Variants in NRXN1 observed in about 807,000 individuals in gnomAD.
NRXN1 encodes neurexin-1.
Under a neutral mutation model 150.9 loss-of-function variants are expected in NRXN1, and 39 were observed. That is an observed-to-expected ratio of 0.26 (90% confidence interval 0.20 to 0.34). The LOEUF is 0.34. NRXN1 is among the 10% of genes least tolerant of loss of function. The pLI, the probability that NRXN1 is intolerant of heterozygous loss-of-function variation, is 1.00. For synonymous variants in NRXN1, 924 were observed against 757.0 expected (o/e 1.22, Z -3.62); for missense variants, 1,815 against 1,949.9 (o/e 0.93, Z 1.30).
chr2:50,410,397 C>A (rs2083062969), intron 17 of NRXN1, among the ~76,000 whole-genome samples: 1 of 152,186 alleles, frequency 6.6e-6, no homozygotes, highest in Admixed American at 6.5e-5. Context: ...TGATGAGCTA[C>A]TTTTGTACCT....
In NRXN1 at chr2:50,543,518, C is replaced by T. The variant is rs146542562; in HGVS notation, c.1760-4882G>A. On this transcript the variant is annotated intron_variant, in intron 9 of 22. Transcript: ENST00000401669. ...TCTTACATGTAAAGCTGTTTTTTCA[C>T]GACACATGTAAGAGGTAAAATGAAG... Among the ~76,000 whole-genome samples, 193 of 151,998 alleles carry T rather than the reference C, an allele frequency of 1.3e-3. 1 individual carries two copies. The East Asian group carries it at 0.026, about 20-fold the overall frequency.
chr2:50,792,712 T>C (rs1375812541), intron 5 of NRXN1, among the ~76,000 whole-genome samples: 1 of 151,942 alleles, frequency 6.6e-6, no homozygotes, highest in East Asian at 1.9e-4. Context: ...AAACGGTTAA[T>C]TAAAAGCAAA....
intron 17 of NRXN1, among the ~76,000 whole-genome samples, chr2:50,239,662 GTATATATA>G (rs59505952): frequency 0.015 from 717 of 47,132 alleles, 10 homozygotes; most frequent in South Asian, 0.097. Flanking sequence ...ACCTATTCCA[GTATATATA>G]TATATATATA....
At chr2:50,235,649 G>A (rs755568048) in intron 18 of NRXN1, among the ~76,000 whole-genome samples, 116 of 152,060 alleles carry the variant, frequency 7.6e-4, no homozygotes, top group Non-Finnish European at 1.2e-3. Flanking sequence ...GGTACCCGAT[G>A]ACCACTTTCT....
intron 17 of NRXN1, among the ~76,000 whole-genome samples, chr2:50,384,612 G>C (rs936529425): frequency 2.0e-5 from 3 of 151,162 alleles, no homozygotes; most frequent in African/African-American, 4.9e-5. Flanking sequence ...AATTCTTCAG[G>C]TCTGTAGGTA....
At chr2:50,314,835 GC>G (rs1244693647) in intron 17 of NRXN1, among the ~76,000 whole-genome samples, 1 of 151,890 alleles carries the variant, frequency 6.6e-6, no homozygotes, top group Non-Finnish European at 1.5e-5. Flanking sequence ...TGTGGCCTGA[GC>G]CTTGGGGTGT....
In NRXN1 at chr2:50,270,734, A is replaced by G. The variant is rs541522304; in HGVS notation, c.3365-33764T>C. 3.3e-4 allele frequency among the ~76,000 whole-genome samples: 49 copies of G among 150,252 alleles called. 1 individual carries two copies. In the East Asian group the frequency reaches 9.5e-3, roughly 29 times the overall value. ...GCCCAGGCTGGAGTGCAGTGGTGCG[A>G]TCTCAGCTCACTGCAACCTCCACCT... On this transcript the variant is annotated intron_variant, in intron 17 of 22. Transcript: ENST00000401669.
intron 15 of NRXN1, among the ~76,000 whole-genome samples, chr2:50,490,587 T>C (rs975591134): frequency 6.6e-6 from 1 of 152,078 alleles, no homozygotes; most frequent in South Asian, 2.1e-4. Flanking sequence ...AGTGGAAACA[T>C]ACACAGGAAT....
At chr2:50,191,535 T>C (rs1216554991) in intron 18 of NRXN1, among the ~76,000 whole-genome samples, 1 of 152,134 alleles carries the variant, frequency 6.6e-6, no homozygotes, top group Non-Finnish European at 1.5e-5. Context: ...ACTGATTCCA[T>C]CATCATAAGG....
At chr2:50,320,628 T>C (rs1218128697) in intron 17 of NRXN1, among the ~76,000 whole-genome samples, 3 of 151,660 alleles carry the variant, frequency 2.0e-5, no homozygotes, top group Non-Finnish European at 4.4e-5. Flanking sequence ...AGGGAATTGA[T>C]GAATGGACAG....
intron 19 of NRXN1, among the ~76,000 whole-genome samples, chr2:50,085,368 T>C (rs953625932): frequency 6.6e-5 from 10 of 152,162 alleles, no homozygotes; most frequent in Non-Finnish European, 8.8e-5. Flanking sequence ...AGATATTCCA[T>C]ATGGTTTATC....
At chr2:50,165,798 CAAT>C (rs1559011426) in intron 18 of NRXN1, among the ~76,000 whole-genome samples, 1 of 152,162 alleles carries the variant, frequency 6.6e-6, no homozygotes, top group Admixed American at 6.5e-5. Flanking sequence ...ACTATGCAAA[CAAT>C]GATATTATTA....
At chr2:50,894,386 CAATT>C (rs755849666) in intron 5 of NRXN1, among the ~76,000 whole-genome samples, 2 of 150,264 alleles carry the variant, frequency 1.3e-5, no homozygotes, top group Non-Finnish European at 3.0e-5. Context: ...AGGAAACTGT[CAATT>C]AATTGTTCTT....
chr2:51,016,014 C>T (rs2105234724), intron 2 of NRXN1, among the ~76,000 whole-genome samples: 1 of 152,056 alleles, frequency 6.6e-6, no homozygotes, highest in East Asian at 2.0e-4. Context: ...GGTACTGGTA[C>T]CAAAACAGAT....
intron 17 of NRXN1, among the ~76,000 whole-genome samples, chr2:50,401,840 T>C (rs1328575890): frequency 6.6e-6 from 1 of 152,174 alleles, no homozygotes; most frequent in African/African-American, 2.4e-5. Flanking sequence ...GGTATTTCAA[T>C]ATCTTGCTAT....
At chr2:50,440,797 C>A (rs1304853929) in intron 17 of NRXN1, among the ~76,000 whole-genome samples, 1 of 152,124 alleles carries the variant, frequency 6.6e-6, no homozygotes, top group Non-Finnish European at 1.5e-5. Context: ...ACATAACTTT[C>A]AAGCTATCAT....
intron 17 of NRXN1, among the ~76,000 whole-genome samples, chr2:50,374,465 A>G (rs779353420): frequency 6.6e-6 from 1 of 152,104 alleles, no homozygotes; most frequent in Non-Finnish European, 1.5e-5. Context: ...ACTATCAACC[A>G]TCATAAATAA....
chr2:51,023,387 C>T (rs570685726), intron 2 of NRXN1, among the ~76,000 whole-genome samples: 2 of 152,330 alleles, frequency 1.3e-5, no homozygotes, highest in South Asian at 4.1e-4. Flanking sequence ...GGAGTTAGAG[C>T]TCCATGCTTA....
chr2:50,108,195 T>A (rs1456177568), intron 18 of NRXN1, among the ~76,000 whole-genome samples: 1 of 152,044 alleles, frequency 6.6e-6, no homozygotes, highest in Non-Finnish European at 1.5e-5. Flanking sequence ...CAATCCCTCC[T>A]AAATGTATAA....
Sources: gnomAD v4.1 joint callset for allele counts (sites outside exome capture counted in the v4.1 genomes callset) on GRCh38, gnomAD v4.1.1 for gene constraint, MANE v1.5 for transcripts, NCBI Gene and HGNC (gene_info 2026-07-23, HGNC 2026-07-21) for gene names.